GNG7: variants seen among roughly 807,000 people sequenced by gnomAD.
The protein encoded by GNG7 is G protein subunit gamma 7.
Under a neutral mutation model 4.0 loss-of-function variants are expected in GNG7, and 1 was observed. That is an observed-to-expected ratio of 0.25 (90% confidence interval 0.09 to 1.18). GNG7 has a LOEUF of 1.18. Among genes scored for constraint, GNG7 ranks in the 50% most tolerant of loss-of-function variants. The pLI, the probability that GNG7 is intolerant of heterozygous loss-of-function variation, is 0.50. For missense variants in GNG7, 86 were observed against 91.9 expected (o/e 0.94, Z 0.26); for synonymous variants, 34 against 36.9 (o/e 0.92, Z 0.29).
At chr19:2,691,073 G>A (rs1444095896) in intron 1 of GNG7, among the ~76,000 whole-genome samples, 3 of 152,146 alleles carry the variant, frequency 2.0e-5, no homozygotes, top group African/African-American at 4.8e-5. Context: ...ACTGTGGTAC[G>A]GGGTGCTGGT....
intron 2 of GNG7, among the ~76,000 whole-genome samples, chr19:2,605,524 T>C (rs1384657695): frequency 7.0e-6 from 1 of 143,410 alleles, no homozygotes; most frequent in African/African-American, 2.6e-5. Flanking sequence ...TTTTTTTTTT[T>C]TTTTTTTGAG....
rs1433319433 is a variant in GNG7, at chr19:2,512,122, C to T, written c.*2900G>A. 1.0e-6 allele frequency: 1 copy of T among 985,758 alleles called. No homozygotes were observed. The highest frequency in any genetic ancestry group is 1.2e-6 in the Non-Finnish European group (1 of 829,966). 61.1% of individuals were successfully genotyped at this position (985,758 alleles called of 1,614,324 possible). On this transcript the variant is annotated 3_prime_UTR_variant, in exon 5 of 5. Coordinates refer to ENST00000382159, the MANE Select transcript of GNG7 (RefSeq NM_052847.3). This position sits in a 1 kb window ranked among gnomAD's most constrained non-coding sequence, Gnocchi z 4.7. ...GGGTGAGTGTCCTTAACTCTCTTTT[C>T]CCCTGGCGTAGCTGAGAGAGGCTTG...
At chr19:2,673,625 G>A (rs1268435794) in intron 1 of GNG7, among the ~76,000 whole-genome samples, 1 of 151,110 alleles carries the variant, frequency 6.6e-6, no homozygotes, top group East Asian at 2.0e-4. Flanking sequence ...CCCAGGAGGT[G>A]GAGGTTGCAG....
At chr19:2,521,612 GTT>G (rs71178284) in intron 3 of GNG7, among the ~76,000 whole-genome samples, 2 of 104,700 alleles carry the variant, frequency 1.9e-5, no homozygotes, top group Non-Finnish European at 1.8e-5. Context: ...CCCCCTCCGT[GTT>G]TTTTTTTTTT....
chr19:2,593,928 CA>C lies in GNG7; in HGVS notation c.-77-38741del, dbSNP rs59658349. Among the ~76,000 whole-genome samples, 330 of 134,566 alleles carry C rather than the reference CA, an allele frequency of 2.5e-3. 1 individual carries two copies. The highest frequency in any genetic ancestry group is 8.1e-3 in the African/African-American group (294 of 36,090). 88.3% of individuals were successfully genotyped at this position (134,566 alleles called of 152,430 possible). A position where few individuals can be genotyped will look rare whatever the true frequency, so the allele number is the denominator to read the frequency against. Reference sequence around the variant, plus strand: ...AGAGGCAGGCCGAAATATTTGATGCCAAAAAAAAAAAAAAACTTTCTTACCT... The same window carrying C: ...AGAGGCAGGCCGAAATATTTGATGCCAAAAAAAAAAAAAACTTTCTTACCT... On this transcript the variant is annotated intron_variant, in intron 2 of 4. Coordinates refer to ENST00000382159, the MANE Select transcript of GNG7 (RefSeq NM_052847.3).
chr19:2,556,277 T>C (rs4807296), intron 2 of GNG7, among the ~76,000 whole-genome samples: 114,403 of 152,144 alleles, frequency 0.75, 43,186 homozygotes, highest in Admixed American at 0.81. Context: ...GGCCCCGTCC[T>C]GCCTAGCGGG....
intron 1 of GNG7, among the ~76,000 whole-genome samples, chr19:2,678,501 G>T (rs920726153): frequency 4.6e-5 from 7 of 152,204 alleles, no homozygotes; most frequent in African/African-American, 1.7e-4. Flanking sequence ...GGGCAGGTGG[G>T]TCACACCCAC....
intron 3 of GNG7, among the ~76,000 whole-genome samples, chr19:2,529,926 C>T (rs184291253): frequency 1.1e-3 from 161 of 152,298 alleles, no homozygotes; most frequent in Middle Eastern, 0.01. Flanking sequence ...GATGAGAGGG[C>T]TCCTCTCAAG....
chr19:2,552,714 T>C (rs1346334285), intron 3 of GNG7, among the ~76,000 whole-genome samples: 1 of 151,528 alleles, frequency 6.6e-6, no homozygotes, highest in African/African-American at 2.4e-5. Flanking sequence ...GGAAACAAGC[T>C]CCGGGCTCCC....
chr19:2,545,828 C>T (rs1979106170), intron 3 of GNG7, among the ~76,000 whole-genome samples: 1 of 148,634 alleles, frequency 6.7e-6, no homozygotes, highest in African/African-American at 2.5e-5. Flanking sequence ...TGGTGGTGGG[C>T]ACCTGTAATG....
intron 2 of GNG7, among the ~76,000 whole-genome samples, chr19:2,635,439 G>C (rs1012391575): frequency 2.6e-5 from 4 of 152,204 alleles, no homozygotes; most frequent in African/African-American, 9.6e-5. Context: ...GACGGTGTAA[G>C]ACAGGGGGAC....
chr19:2,583,535 G>T (rs1168416565), intron 2 of GNG7, among the ~76,000 whole-genome samples: 1 of 152,186 alleles, frequency 6.6e-6, no homozygotes, highest in Non-Finnish European at 1.5e-5. Flanking sequence ...CAGGTGCTGG[G>T]GGCTGGTGGC....
At chr19:2,643,436 A>C in intron 2 of GNG7, 1 of 413,520 alleles carries the variant, frequency 2.4e-6, no homozygotes, top group South Asian at 1.6e-5. Context: ...AAAGTCCGAG[A>C]CCTCTCCGGA....
intron 2 of GNG7, among the ~76,000 whole-genome samples, chr19:2,636,411 G>A (rs896306541): frequency 6.6e-6 from 1 of 152,104 alleles, no homozygotes; most frequent in African/African-American, 2.4e-5. Context: ...CATCTGGGAG[G>A]GGGGATGACA....
chr19:2,636,486 C>A (rs1160110370), intron 2 of GNG7, among the ~76,000 whole-genome samples: 1 of 152,162 alleles, frequency 6.6e-6, no homozygotes, highest in African/African-American at 2.4e-5. Context: ...ATGACCTGCA[C>A]TCTCCCAGGG....
At chr19:2,641,399 G>A (rs762798096) in intron 2 of GNG7, among the ~76,000 whole-genome samples, 1 of 152,278 alleles carries the variant, frequency 6.6e-6, no homozygotes, top group South Asian at 2.1e-4. Flanking sequence ...GATAGCATCC[G>A]GGGTGATCTG....
intron 2 of GNG7, among the ~76,000 whole-genome samples, chr19:2,576,034 G>GACAC (rs748695415): frequency 1.3e-5 from 1 of 75,666 alleles, no homozygotes; most frequent in Non-Finnish European, 2.4e-5. Flanking sequence ...CACACACACA[G>GACAC]ACACACACAG....
intron 2 of GNG7, among the ~76,000 whole-genome samples, chr19:2,582,554 C>T (rs1980532587): frequency 6.6e-6 from 1 of 151,818 alleles, no homozygotes; most frequent in Admixed American, 6.6e-5. Flanking sequence ...ACAATTGTGC[C>T]TCACTGCAGC....
chr19:2,657,364 ATATATATATATATAT>A lies in GNG7; in HGVS notation c.-134-11099_-134-11085del, dbSNP rs1983020905. Among the ~76,000 whole-genome samples the A allele has an allele frequency of 1.4e-3, 25 of 17,438 alleles. 1 individual carries two copies. Among genetic ancestry groups the A allele is most frequent in the Non-Finnish European group, 1.7e-3 (15 of 8,606 alleles). 11.4% of individuals were successfully genotyped at this position (17,438 alleles called of 152,430 possible). ...AAAAAAAAAAAAAAAAAAAAAAAATATATATATATATATATATATATATATATATATATATACACA... is the reference window on the plus strand; with the variant it reads ...AAAAAAAAAAAAAAAAAAAAAAAATAATATATATATATATATATATACACA... On this transcript the variant is annotated intron_variant, in intron 1 of 4. Transcript: ENST00000382159.
Sources: gnomAD v4.1 joint callset for allele counts (sites outside exome capture counted in the v4.1 genomes callset) on GRCh38, gnomAD v4.1.1 for gene constraint, Gnocchi (gnomAD v3.1) non-coding constraint, MANE v1.5 for transcripts, NCBI Gene and HGNC (gene_info 2026-07-23, HGNC 2026-07-21) for gene names.